The following NOVA1 variants were observed in gnomAD, a reference collection of about 807,000 sequenced individuals.
The protein encoded by NOVA1 is RNA-binding protein Nova-1.
NOVA1 carries 7 observed loss-of-function variants against 38.0 expected under a neutral mutation model. That is an observed-to-expected ratio of 0.18 (90% CI 0.10 to 0.35). The LOEUF (loss-of-function observed/expected upper bound fraction) is 0.35. Among genes scored for constraint, NOVA1 ranks in the 10% least tolerant of loss-of-function variants. The pLI is 1.00. For missense variants in NOVA1, 460 were observed against 616.0 expected (o/e 0.75, Z 2.68); for synonymous variants, 270 against 232.5 (o/e 1.16, Z -1.47).
intron 3 of NOVA1, among the ~76,000 whole-genome samples, chr14:26,473,928 TCTCAAGAGAGAC>T (rs1207860432): frequency 1.3e-5 from 2 of 152,046 alleles, no homozygotes; most frequent in Non-Finnish European, 2.9e-5. Context: ...TCTTGCTATT[TCTCAAGAGAGAC>T]TTCATTTCCA....
intron 2 of NOVA1, among the ~76,000 whole-genome samples, chr14:26,548,271 T>A (rs1890932962): frequency 6.6e-6 from 1 of 152,036 alleles, no homozygotes; most frequent in African/African-American, 2.4e-5. Context: ...GGAAAACACT[T>A]AAAATGTCCC....
At chr14:26,570,282 G>C (rs1425649645) in intron 2 of NOVA1, among the ~76,000 whole-genome samples, 1 of 152,042 alleles carries the variant, frequency 6.6e-6, no homozygotes, top group Non-Finnish European at 1.5e-5. Context: ...GGGAGGCAGA[G>C]GTTGCAGTGA....
At chr14:26,453,168 G>GTA (rs1187234581) in intron 4 of NOVA1, among the ~76,000 whole-genome samples, 1 of 115,618 alleles carries the variant, frequency 8.6e-6, no homozygotes, top group Non-Finnish European at 1.7e-5. Flanking sequence ...CTTCAATTAT[G>GTA]TATGTATGTA....
chr14:26,596,378 A>C (rs754416664), intron 1 of NOVA1, among the ~76,000 whole-genome samples: 1 of 152,186 alleles, frequency 6.6e-6, no homozygotes, highest in South Asian at 2.1e-4. Flanking sequence ...AAGAACCAGG[A>C]AAAATAAAAT....
At chr14:26,530,166 C>T (rs1233214817) in intron 2 of NOVA1, among the ~76,000 whole-genome samples, 2 of 152,198 alleles carry the variant, frequency 1.3e-5, no homozygotes, top group East Asian at 3.9e-4. Flanking sequence ...GATCCGCCTG[C>T]CTCGGCCTTC....
intron 2 of NOVA1, among the ~76,000 whole-genome samples, chr14:26,585,530 T>A (rs1893464254): frequency 6.6e-6 from 1 of 151,344 alleles, no homozygotes; most frequent in African/African-American, 2.4e-5. Context: ...ATCACTTTAA[T>A]TTGATGGTTA....
At chr14:26,552,391 A>C (rs1281400020) in intron 2 of NOVA1, among the ~76,000 whole-genome samples, 1 of 152,178 alleles carries the variant, frequency 6.6e-6, no homozygotes, top group African/African-American at 2.4e-5. Flanking sequence ...CAGCATAGAA[A>C]ATCAATTAGA....
Position 26,597,481 on chromosome 14 carries a change from T to C in NOVA1, c.-45A>G, listed in dbSNP as rs367712824. On this transcript the variant is annotated 5_prime_UTR_variant, in exon 1 of 5. Transcript: ENST00000539517. ...GCTACCGGGAGAAGGTTCTCCCTTT[T>C]GTTTTGGCTTTTTCTTTTCTTTTTT... 2.1e-5 allele frequency: 26 copies of C among 1,267,356 alleles called. No homozygotes were observed. The highest frequency in any genetic ancestry group is 8.0e-5 in the Admixed American group (2 of 24,964). The allele number at this position is 1,267,356 out of a possible 1,614,324, so 78.5% of individuals were successfully genotyped here.
intron 2 of NOVA1, among the ~76,000 whole-genome samples, chr14:26,482,899 G>A (rs1885578896): frequency 6.6e-6 from 1 of 151,866 alleles, no homozygotes; most frequent in Non-Finnish European, 1.5e-5. Flanking sequence ...ACAGAGTTTC[G>A]ACATGTGGCA....
chr14:26,505,385 T>C (rs1258403293), intron 2 of NOVA1, among the ~76,000 whole-genome samples: 1 of 152,056 alleles, frequency 6.6e-6, no homozygotes, highest in Non-Finnish European at 1.5e-5. Flanking sequence ...GGTTGTTTTC[T>C]AAGTGTGTGG....
intron 2 of NOVA1, among the ~76,000 whole-genome samples, chr14:26,494,952 C>G (rs1886648440): frequency 6.6e-6 from 1 of 152,152 alleles, no homozygotes; most frequent in African/African-American, 2.4e-5. Flanking sequence ...TAAGTCTAAA[C>G]CCTTTACTAT....
At position 26,597,606 on chromosome 14, in the gene NOVA1, T is replaced by G; in HGVS notation, c.-170A>C. On this transcript the variant is annotated 5_prime_UTR_variant, in exon 1 of 5. Coordinates refer to ENST00000539517, the MANE Select transcript of NOVA1 (RefSeq NM_002515.3). ...TCTTTAGGAAAAAAAGCAATGTTGC[T>G]GGTTTGTTCTCACTGGGGAGGGGGC... The G allele has an allele frequency of 8.3e-7, 1 of 1,208,200 alleles. No individual in the cohort carries two copies. The highest frequency in any genetic ancestry group is 1.6e-5 in the African/African-American group (1 of 61,296). 74.8% of individuals were successfully genotyped at this position (1,208,200 alleles called of 1,614,324 possible). A position where few individuals can be genotyped will look rare whatever the true frequency, so the allele number is the denominator to read the frequency against.
At chr14:26,566,819 T>C (rs1892161970) in intron 2 of NOVA1, among the ~76,000 whole-genome samples, 1 of 152,182 alleles carries the variant, frequency 6.6e-6, no homozygotes, top group South Asian at 2.1e-4. Flanking sequence ...ATTACTATGT[T>C]AGAACACAGC....
intron 2 of NOVA1, among the ~76,000 whole-genome samples, chr14:26,555,891 G>A (rs893893928): frequency 2.6e-5 from 4 of 152,020 alleles, no homozygotes; most frequent in African/African-American, 9.7e-5. Context: ...TTACAATTGT[G>A]CAAAAAGTGG....
At chr14:26,457,368 T>C (rs1232190550) in intron 4 of NOVA1, among the ~76,000 whole-genome samples, 1 of 152,040 alleles carries the variant, frequency 6.6e-6, no homozygotes, top group African/African-American at 2.4e-5. Context: ...AACAAAATAT[T>C]TAAATGTATA....
At chr14:26,594,960 A>C (rs1317837943) in intron 2 of NOVA1, among the ~76,000 whole-genome samples, 1 of 152,128 alleles carries the variant, frequency 6.6e-6, no homozygotes, top group African/African-American at 2.4e-5. Context: ...CAAACAAAGC[A>C]ATGAAGCAGA....
intron 3 of NOVA1, among the ~76,000 whole-genome samples, chr14:26,474,741 G>GT (rs1884844730): frequency 6.6e-6 from 1 of 151,914 alleles, no homozygotes; most frequent in Non-Finnish European, 1.5e-5. Flanking sequence ...TAAAAATTAT[G>GT]TAAGTTTGGG....
chr14:26,463,474 CTG>C (rs1883868540), intron 4 of NOVA1, among the ~76,000 whole-genome samples: 1 of 152,056 alleles, frequency 6.6e-6, no homozygotes, highest in African/African-American at 2.4e-5. Flanking sequence ...GTTTTTATAT[CTG>C]TATTGGACAT....
intron 2 of NOVA1, among the ~76,000 whole-genome samples, chr14:26,487,708 A>G (rs1347154839): frequency 1.3e-5 from 2 of 152,182 alleles, no homozygotes; most frequent in Non-Finnish European, 2.9e-5. Context: ...TTGATTGTGG[A>G]AAAATTATTT....
Sources: gnomAD v4.1 joint callset for allele counts (sites outside exome capture counted in the v4.1 genomes callset) on GRCh38, gnomAD v4.1.1 for gene constraint, MANE v1.5 for transcripts, NCBI Gene and HGNC (gene_info 2026-07-23, HGNC 2026-07-21) for gene names.